The following FRMD6 variants were observed in gnomAD, a reference collection of about 807,000 sequenced individuals.
FRMD6 encodes FERM domain containing 6, also known as FERM domain-containing protein 6.
FRMD6 carries 37 observed loss-of-function variants against 73.2 expected under a neutral mutation model. The ratio of observed to expected loss-of-function variants is 0.51; its 90% CI spans 0.39 to 0.66. The LOEUF (loss-of-function observed/expected upper bound fraction) is 0.66, where lower values mean the gene tolerates loss of function less well. FRMD6 is among the 30% of genes least tolerant of loss of function. FRMD6 has a pLI of 0.00. For synonymous variants in FRMD6, 273 were observed against 282.2 expected (o/e 0.97, Z 0.33); for missense variants, 714 against 780.5 (o/e 0.91, Z 1.02).
chr14:51,461,410 G>C, the FRMD6 span, among the ~76,000 whole-genome samples: 1 of 152,116 alleles, frequency 6.6e-6, no homozygotes, highest in African/African-American at 2.4e-5. Flanking sequence ...TGTCCATAAA[G>C]TTTAGCTATA....
intron 2 of FRMD6, among the ~76,000 whole-genome samples, chr14:51,574,075 C>T (rs1315230224): frequency 6.6e-6 from 1 of 152,134 alleles, no homozygotes; most frequent in Non-Finnish European, 1.5e-5. Flanking sequence ...TGACTTCATG[C>T]TTCCTTTTAT....
chr14:51,644,460 A>G (rs1594646004), intron 2 of FRMD6, among the ~76,000 whole-genome samples: 2 of 152,180 alleles, frequency 1.3e-5, no homozygotes, highest in Middle Eastern at 3.4e-3. Context: ...TTCATTCAAC[A>G]AATATGTGTC....
At chr14:51,692,472 A>ATGTGTGTG (rs10637550) in intron 2 of FRMD6, among the ~76,000 whole-genome samples, 28 of 150,600 alleles carry the variant, frequency 1.9e-4, no homozygotes, top group East Asian at 5.9e-4. Context: ...ACGTGGTGCA[A>ATGTGTGTG]TGTGTGTGTG....
chr14:51,490,935 G>C (rs1045993874), intron 1 of FRMD6, among the ~76,000 whole-genome samples: 1 of 152,192 alleles, frequency 6.6e-6, no homozygotes, highest in Non-Finnish European at 1.5e-5. Flanking sequence ...TTTGGACCCT[G>C]TTTGTGATCC....
At chr14:51,580,188 G>T (rs1888638931) in intron 2 of FRMD6, among the ~76,000 whole-genome samples, 1 of 152,022 alleles carries the variant, frequency 6.6e-6, no homozygotes, top group South Asian at 2.1e-4. Flanking sequence ...GGGATTATCT[G>T]GCTACCTCTC....
intron 11 of FRMD6, among the ~76,000 whole-genome samples, chr14:51,721,471 G>A (rs1459346383): frequency 2.0e-5 from 3 of 152,172 alleles, no homozygotes; most frequent in South Asian, 2.1e-4. Context: ...TTGGATGGGC[G>A]TAGTGGCGCG....
chr14:51,521,719 A>G (rs1399633213), intron 1 of FRMD6, among the ~76,000 whole-genome samples: 3 of 144,810 alleles, frequency 2.1e-5, no homozygotes, highest in Non-Finnish European at 3.1e-5. Context: ...GAAAGGCAGG[A>G]AAAAAAAAAA....
At chr14:51,588,714 G>T (rs1444260074) in intron 2 of FRMD6, among the ~76,000 whole-genome samples, 2 of 152,120 alleles carry the variant, frequency 1.3e-5, no homozygotes, top group Non-Finnish European at 2.9e-5. Flanking sequence ...ATGCCTAACA[G>T]TTCTCACTTG....
At chr14:51,477,966 G>T in the FRMD6 span, among the ~76,000 whole-genome samples, 2 of 152,086 alleles carry the variant, frequency 1.3e-5, no homozygotes, top group African/African-American at 4.8e-5. Context: ...TCCAACTCCT[G>T]CCCTCAGGTG....
chr14:51,641,976 G>C (rs1375272979), intron 2 of FRMD6, among the ~76,000 whole-genome samples: 1 of 152,078 alleles, frequency 6.6e-6, no homozygotes, highest in Non-Finnish European at 1.5e-5. Flanking sequence ...GGCTTTGAAG[G>C]TTCCCTTGTC....
the FRMD6 span, among the ~76,000 whole-genome samples, chr14:51,424,500 C>T: frequency 1.1e-4 from 17 of 151,998 alleles, no homozygotes; most frequent in African/African-American, 3.9e-4. Context: ...GGCTGTGAAT[C>T]AGGACGCTTC....
At chr14:51,411,161 T>C in the FRMD6 span, among the ~76,000 whole-genome samples, 2 of 152,208 alleles carry the variant, frequency 1.3e-5, no homozygotes, top group Non-Finnish European at 2.9e-5. Context: ...CTCCACAGGC[T>C]GGCTAATGAC....
rs569321477 is a variant in FRMD6 at position 51,698,088 on chromosome 14, C to T, written c.100-54C>T. 139 of 1,325,736 alleles carry T rather than the reference C, an allele frequency of 1.0e-4. 2 individuals carry two copies. In the South Asian group the frequency reaches 1.5e-3, roughly 15 times the overall value. 82.1% of individuals were successfully genotyped at this position (1,325,736 alleles called of 1,614,324 possible). ...GCATTAAATTGCCTGATTGTGGCTC[C>T]CTGGGTGGACTTAGTTGAATTGTTA... On this transcript the variant is annotated intron_variant, in intron 2 of 13. Coordinates refer to ENST00000344768, the MANE Select transcript of FRMD6 (RefSeq NM_001267046.2).
the FRMD6 span, among the ~76,000 whole-genome samples, chr14:51,441,034 A>C: frequency 6.6e-6 from 1 of 152,210 alleles, no homozygotes; most frequent in African/African-American, 2.4e-5. Flanking sequence ...CTGTTGTGGC[A>C]AATAAAAATA....
At chr14:51,576,470 A>G (rs1189018391) in intron 2 of FRMD6, among the ~76,000 whole-genome samples, 6 of 152,176 alleles carry the variant, frequency 3.9e-5, no homozygotes, top group African/African-American at 1.4e-4. Flanking sequence ...GAACTCGGGC[A>G]TGCCTATCTC....
intron 1 of FRMD6, among the ~76,000 whole-genome samples, chr14:51,514,018 A>G (rs1884476374): frequency 2.0e-5 from 3 of 152,360 alleles, no homozygotes; most frequent in Middle Eastern, 3.4e-3. Flanking sequence ...CCAGGATTAA[A>G]TCAGATTATG....
At chr14:51,594,859 C>T (rs1198397062) in intron 2 of FRMD6, among the ~76,000 whole-genome samples, 1 of 152,294 alleles carries the variant, frequency 6.6e-6, no homozygotes, top group Admixed American at 6.5e-5. Flanking sequence ...TGTTATTTAC[C>T]GGTGGCAAGA....
At chr14:51,632,510 A>C (rs1209820792) in intron 2 of FRMD6, among the ~76,000 whole-genome samples, 2 of 152,138 alleles carry the variant, frequency 1.3e-5, no homozygotes, top group Non-Finnish European at 2.9e-5. Context: ...AGAAAAACTT[A>C]ATCTCAGAAA....
intron 1 of FRMD6, among the ~76,000 whole-genome samples, chr14:51,678,543 T>A (rs1447016611): frequency 6.6e-6 from 1 of 152,112 alleles, no homozygotes; most frequent in East Asian, 1.9e-4. Flanking sequence ...GAAAAGTGTG[T>A]CGTAAAGGAA....
Sources: allele counts gnomAD v4.1 joint callset (sites outside exome capture counted in the v4.1 genomes callset), GRCh38; gene constraint gnomAD v4.1.1; transcripts MANE v1.5; gene names NCBI Gene and HGNC (gene_info 2026-07-23, HGNC 2026-07-21).